CACNA1H: variants seen among roughly 807,000 people sequenced by gnomAD.
CACNA1H encodes calcium voltage-gated channel subunit alpha1 H.
CACNA1H carries 149 observed loss-of-function variants against 192.5 expected under a neutral mutation model. The observed-to-expected ratio is 0.77, with a 90% CI of 0.68 to 0.89. The LOEUF (loss-of-function observed/expected upper bound fraction) is 0.89, where lower values mean the gene tolerates loss of function less well. Ranked by LOEUF, CACNA1H falls within the 40% of genes least tolerant of loss-of-function variation. CACNA1H has a pLI of 0.00. For synonymous variants in CACNA1H, 2,202 were observed against 1,475.2 expected, an observed-to-expected ratio of 1.49 and a Z score of -11.29; for missense variants, 4,257 against 3,423.5, an observed-to-expected ratio of 1.24 and a Z score of -6.08.
rs76291601 is a variant in CACNA1H, at chr16:1,177,025, C to G, written c.300-17947C>G. Among the ~76,000 whole-genome samples, 1,226 of 152,270 alleles carry G rather than the reference C, an allele frequency of 8.1e-3. 15 individuals are homozygous for G. The highest frequency in any genetic ancestry group is 0.035 in the East Asian group (183 of 5,170). The stretch of plus-strand genomic sequence containing the variant: ...GCCTGGGCAGCCTCACTCCCTCCCC[C>G]CAGGAGCTTCCCCCAGGCCCTCCGC... On this transcript the variant is annotated intron_variant, in intron 2 of 34. Coordinates refer to ENST00000348261, the MANE Select transcript of CACNA1H (RefSeq NM_021098.3).
At chr16:1,154,164 C>T in intron 2 of CACNA1H, 128 bp downstream of exon 2, 3 of 634,904 alleles carry the variant, frequency 4.7e-6, no homozygotes, top group Non-Finnish European at 6.7e-6. Context: ...GGGCCGGGCG[C>T]GCGGGGGTGC....
chr16:1,188,163 C>T (rs917398947), intron 2 of CACNA1H, among the ~76,000 whole-genome samples: 5 of 152,200 alleles, frequency 3.3e-5, no homozygotes, highest in African/African-American at 7.2e-5. Context: ...GGATTAGTCA[C>T]GGGGCAGGGT....
intron 2 of CACNA1H, among the ~76,000 whole-genome samples, chr16:1,181,522 C>T (rs1330871112): frequency 6.6e-6 from 1 of 152,230 alleles, no homozygotes; most frequent in African/African-American, 2.4e-5. Context: ...GCTGGCAGGG[C>T]CTCAAGCTTC....
At position 1,202,162 on chromosome 16, in the gene CACNA1H, C is replaced by T; in HGVS notation, c.1712C>T (p.Ser571Phe). 6.4e-7 allele frequency: 1 copy of T among 1,551,700 alleles called. No individual in the cohort carries two copies. Among genetic ancestry groups the T allele is most frequent in the Non-Finnish European group, 8.7e-7 (1 of 1,148,212 alleles). ...SPGRGPPDAESVHSIYHADCH... is the reference protein window; with the variant it reads ...SPGRGPPDAEFVHSIYHADCH... ...GGCCGCGGACCCCCCGACGCAGAGT[C>T]TGTGCACAGCATCTACCATGCCGAC... The change falls in exon 9 of 35, where the codon TCT (serine) becomes TTT (phenylalanine). Residue 571 changes from serine (S) to phenylalanine (F), a missense_variant. Ser to Phe is a radical substitution (Grantham distance 155). Coordinates refer to ENST00000348261, the MANE Select transcript of CACNA1H (RefSeq NM_021098.3).
chr16:1,218,425 CCCCGGGAGTGCACGCCGGGTGG>C lies in CACNA1H; in HGVS notation c.5662_5683del (p.Pro1888ThrfsTer152). 6.4e-7 allele frequency: 1 copy of C among 1,553,752 alleles called. No homozygotes were observed. On this transcript the variant is annotated frameshift_variant, in exon 33 of 35. Transcript: ENST00000348261. LOFTEE classifies it high-confidence loss of function. ...AGATCGAGCTGGAGATGGCGCAGGG[CCCCGGGAGTGCACGCCGGGTGG>C]ACGCGGACAGGCCTCCCTTGCCCCA...
At position 1,213,510 on chromosome 16, in the gene CACNA1H, G is replaced by A. The variant is rs2738903; in HGVS notation, c.4778-270G>A. ...AGGAGGTTAGTCAGTGGCCTGCCCC[G>A]AAGGCCTGCTCCAGCCCAGGCCTCC... On this transcript the variant is annotated intron_variant, in intron 26 of 34. Transcript: ENST00000348261. Among the ~76,000 whole-genome samples, 83,165 of 151,868 alleles carry A rather than the reference G, an allele frequency of 0.55. 23,478 individuals carry two copies. The highest frequency in any genetic ancestry group is 0.85 in the East Asian group (4,334 of 5,110).
chr16:1,213,945 G>A lies in CACNA1H; in HGVS notation c.4929+14G>A, dbSNP rs764047411. 1.2e-6 allele frequency: 2 copies of A among 1,602,712 alleles called. No homozygotes were observed. The highest frequency in any genetic ancestry group is 1.7e-5 in the Admixed American group (1 of 58,752). Reference sequence around the variant, plus strand: ...AACCAACCCAAGGTGGGTGCGAGGGGGCCGCGAGGGGCCCAGGGGCTGGGG... The same window carrying A: ...AACCAACCCAAGGTGGGTGCGAGGGAGCCGCGAGGGGCCCAGGGGCTGGGG... On this transcript the variant is annotated intron_variant, in intron 27 of 34. Coordinates refer to ENST00000348261, the MANE Select transcript of CACNA1H (RefSeq NM_021098.3).
intron 2 of CACNA1H, among the ~76,000 whole-genome samples, chr16:1,158,384 C>T (rs919476227): frequency 1.3e-5 from 2 of 150,788 alleles, no homozygotes; most frequent in Admixed American, 6.6e-5. Context: ...GTAGGGGGTC[C>T]GCCGAGCGCC....
intron 18 of CACNA1H, 28 bp from the exon 19 acceptor site, chr16:1,210,342 C>CCCCCCAAAA: frequency 1.0e-6 from 1 of 999,086 alleles, no homozygotes; most frequent in Non-Finnish European, 1.5e-6. Flanking sequence ...CGCCCCGCCC[C>CCCCCCAAAA]ACCTCTCACC....
intron 2 of CACNA1H, among the ~76,000 whole-genome samples, chr16:1,188,409 T>C (rs1233660826): frequency 1.3e-5 from 2 of 152,122 alleles, no homozygotes; most frequent in Non-Finnish European, 2.9e-5. Flanking sequence ...CAGTCGGCAC[T>C]GTTTGGGGGT....
At chr16:1,210,346 T>TTCCCCCCCCCCCCCCCCCC in intron 18 of CACNA1H, 24 bp from the exon 19 acceptor site, 2 of 243,722 alleles carry the variant, frequency 8.2e-6, no homozygotes, top group Non-Finnish European at 6.4e-6. Context: ...CCGCCCCACC[T>TTCCCCCCCCCCCCCCCCCC]CTCACCCGCC....
chr16:1,199,270 C>A (rs1158528905), intron 6 of CACNA1H, among the ~76,000 whole-genome samples: 1 of 75,050 alleles, frequency 1.3e-5, no homozygotes, highest in African/African-American at 6.4e-5. Context: ...ATATGCCCCA[C>A]CCCCCACCAT....
chr16:1,195,311 G>A (rs1349813580), intron 3 of CACNA1H, 121 bp from the exon 4 acceptor site: 5 of 1,339,888 alleles, frequency 3.7e-6, no homozygotes, highest in Non-Finnish European at 5.1e-6. Flanking sequence ...GGCTCAGGGC[G>A]GGGCAGGGGC....
At chr16:1,165,434 TAAG>T (rs1328508378) in intron 2 of CACNA1H, among the ~76,000 whole-genome samples, 3 of 152,114 alleles carry the variant, frequency 2.0e-5, no homozygotes, top group Middle Eastern at 3.2e-3. Context: ...GTCACTCAAA[TAAG>T]GAGGATGAGG....
chr16:1,181,760 C>T (rs1199642121), intron 2 of CACNA1H, among the ~76,000 whole-genome samples: 1 of 152,160 alleles, frequency 6.6e-6, no homozygotes, highest in African/African-American at 2.4e-5. Context: ...AGGTGGGGGA[C>T]CCGCCCTCAT....
chr16:1,194,139 C>T (rs1000884054), intron 2 of CACNA1H, among the ~76,000 whole-genome samples: 4 of 152,062 alleles, frequency 2.6e-5, no homozygotes, highest in African/African-American at 9.7e-5. Context: ...GAGAGTCAAG[C>T]ACAGGCCCAA....
In CACNA1H at chr16:1,200,540, A is replaced by T; in HGVS notation, c.1088A>T (p.Asn363Ile). The change falls in exon 7 of 35, where the codon AAC becomes ATC. Residue 363 changes from asparagine (N) to isoleucine (I), a missense_variant. Asn to Ile is a moderately radical substitution (Grantham distance 149, BLOSUM62 -3). Coordinates refer to ENST00000348261, the MANE Select transcript of CACNA1H (RefSeq NM_021098.3). ...NPHNGAINFD[N>I]IGYAWIAIFQ... ...CACAACGGTGCCATCAACTTCGACA[A>T]CATCGGCTACGCCTGGATTGCCATC... 6.2e-7 allele frequency: 1 copy of T among 1,612,230 alleles called. No homozygotes were observed.
chr16:1,221,412 C>T lies in CACNA1H; in HGVS notation c.*418C>T. 6.6e-6 allele frequency: 2 copies of T among 304,076 alleles called. No individual in the cohort carries two copies. The highest frequency in any genetic ancestry group is 6.0e-5 in the South Asian group (1 of 16,588). The allele number at this position is 304,076 out of a possible 1,614,324, so 18.8% of individuals were successfully genotyped here. On this transcript the variant is annotated 3_prime_UTR_variant, in exon 35 of 35. Coordinates refer to ENST00000348261, the MANE Select transcript of CACNA1H (RefSeq NM_021098.3). Reference sequence around the variant, plus strand: ...CGGCGGCAGGTTGCAGCCACCGCGGCCCAATGTCACCTTCACTCACAGTCT... The same window carrying T: ...CGGCGGCAGGTTGCAGCCACCGCGGTCCAATGTCACCTTCACTCACAGTCT...
intron 34 of CACNA1H, among the ~76,000 whole-genome samples, chr16:1,219,643 C>T (rs945746936): frequency 1.3e-5 from 2 of 152,232 alleles, no homozygotes; most frequent in Non-Finnish European, 2.9e-5. Flanking sequence ...CGCACAGGAG[C>T]AGTTAGGAGA....
Sources: gnomAD v4.1 joint callset for allele counts (sites outside exome capture counted in the v4.1 genomes callset) on GRCh38, gnomAD v4.1.1 for gene constraint, MANE v1.5 for transcripts, NCBI Gene and HGNC (gene_info 2026-07-23, HGNC 2026-07-21) for gene names.